The following ACACA variants were observed in gnomAD, a reference collection of about 807,000 sequenced individuals.
ACACA encodes acetyl-CoA carboxylase alpha, also known as acetyl-CoA carboxylase 1.
Under a neutral mutation model 296.1 loss-of-function variants are expected in ACACA, and 103 were observed. That is an observed-to-expected ratio of 0.35 (90% confidence interval 0.30 to 0.41). The LOEUF (loss-of-function observed/expected upper bound fraction) is 0.41. ACACA is among the 10% of genes least tolerant of loss of function. The pLI, the probability that ACACA is intolerant of heterozygous loss-of-function variation, is 1.00. For synonymous variants in ACACA, 953 were observed against 1,038.6 expected, an observed-to-expected ratio of 0.92 and a Z score of 1.58; for missense variants, 1,554 against 2,989.7, an observed-to-expected ratio of 0.52 and a Z score of 11.20.
chr17:37,375,403 C>T (rs959861183), intron 1 of ACACA, among the ~76,000 whole-genome samples: 2 of 152,028 alleles, frequency 1.3e-5, no homozygotes, highest in Non-Finnish European at 2.9e-5. Context: ...AGGAGAATGG[C>T]GTGAACCTGG....
At chr17:37,224,746 A>G (rs2079460381) in intron 27 of ACACA, among the ~76,000 whole-genome samples, 1 of 152,048 alleles carries the variant, frequency 6.6e-6, no homozygotes, top group African/African-American at 2.4e-5. Flanking sequence ...AAAGACTTCA[A>G]TAGGACACTT....
chr17:37,328,259 T>G (rs1568002090), intron 3 of ACACA, among the ~76,000 whole-genome samples: 1 of 152,196 alleles, frequency 6.6e-6, no homozygotes, highest in South Asian at 2.1e-4. Context: ...GGCCTTAGTT[T>G]TCCCAACTAT....
chr17:37,093,660 G>A (rs1038123823), intron 54 of ACACA, among the ~76,000 whole-genome samples: 41 of 152,110 alleles, frequency 2.7e-4, no homozygotes, highest in African/African-American at 9.7e-4. Context: ...ACGACACCGA[G>A]CAAATTTTAA....
chr17:37,352,668 T>C (rs1030640531), intron 1 of ACACA, among the ~76,000 whole-genome samples: 2 of 150,900 alleles, frequency 1.3e-5, no homozygotes, highest in African/African-American at 4.9e-5. Context: ...GCAGTGAGGC[T>C]ACAGTGAGCC....
chr17:37,361,420 G>A lies in ACACA; in HGVS notation c.39-21570C>T, dbSNP rs556588662. On this transcript the variant is annotated intron_variant, in intron 1 of 55. Transcript: ENST00000616317. ...ATTTACCCTCAAAAACTGTCCTTAT[G>A]TGAAATTTCAGCCAGCCCCTGCATG... Among the ~76,000 whole-genome samples the A allele has an allele frequency of 9.9e-5, 15 of 152,118 alleles. No homozygotes were observed. In the South Asian group the frequency reaches 3.1e-3, roughly 32 times the overall value.
chr17:37,275,884 G>C lies in ACACA; in HGVS notation c.901+67C>G. 5.2e-6 allele frequency: 7 copies of C among 1,338,716 alleles called. No homozygotes were observed. In the South Asian group the frequency reaches 7.0e-5, roughly 13 times the overall value. 82.9% of individuals were successfully genotyped at this position (1,338,716 alleles called of 1,614,324 possible). On this transcript the variant is annotated intron_variant, in intron 8 of 55. Transcript: ENST00000616317. The stretch of plus-strand genomic sequence containing the variant: ...AGTATACCAATACTTTTTCAAAAGA[G>C]GTAAGTCCCAAATATCCTACTGAGC...
intron 45 of ACACA, chr17:37,141,250 G>A: frequency 1.7e-6 from 1 of 588,006 alleles, no homozygotes; most frequent in African/African-American, 1.8e-5. Flanking sequence ...CTCCTCCAGG[G>A]ACTTGATCTT....
At chr17:37,360,873 A>G (rs1597707093) in intron 1 of ACACA, among the ~76,000 whole-genome samples, 1 of 152,260 alleles carries the variant, frequency 6.6e-6, no homozygotes, top group East Asian at 1.9e-4. Context: ...GACTCACCGA[A>G]AAAAATGGCC....
intron 41 of ACACA, among the ~76,000 whole-genome samples, chr17:37,167,119 A>C (rs1346056395): frequency 2.1e-4 from 21 of 101,346 alleles, no homozygotes; most frequent in Admixed American, 6.4e-4. Flanking sequence ...TAATTTTTGC[A>C]TTTTTTTTTT....
intron 24 of ACACA, among the ~76,000 whole-genome samples, chr17:37,238,471 C>G (rs2080229150): frequency 6.6e-6 from 1 of 152,078 alleles, no homozygotes; most frequent in Admixed American, 6.5e-5. Flanking sequence ...ACCTATCTCA[C>G]AATTTCTTAA....
intron 28 of ACACA, 178 bp from the exon 29 acceptor site, chr17:37,222,020 T>C (rs1031400937): frequency 7.9e-6 from 5 of 634,060 alleles, no homozygotes; most frequent in African/African-American, 3.6e-5. Context: ...GGAGTCTTAA[T>C]ACTATAACCA....
intron 11 of ACACA, among the ~76,000 whole-genome samples, chr17:37,262,974 T>C (rs1223320081): frequency 6.6e-6 from 1 of 152,048 alleles, no homozygotes; most frequent in Non-Finnish European, 1.5e-5. Context: ...AAGTGATCTG[T>C]CCGCCTTAGC....
intron 3 of ACACA, among the ~76,000 whole-genome samples, chr17:37,312,187 GAA>G (rs1476098845): frequency 6.6e-6 from 1 of 152,138 alleles, no homozygotes. Context: ...AGAGACACAG[GAA>G]AAGAGACTGA....
chr17:37,247,809 A>G (rs1303430130), intron 18 of ACACA: 2 of 625,514 alleles, frequency 3.2e-6, no homozygotes, highest in Non-Finnish European at 2.8e-6. Flanking sequence ...TTGTCCACAT[A>G]CACTGGAGTG....
chr17:37,159,534 C>T, intron 42 of ACACA, among the ~76,000 whole-genome samples: 1 of 152,174 alleles, frequency 6.6e-6, no homozygotes, highest in African/African-American at 2.4e-5. Context: ...AAATGTATAA[C>T]TCAGTAGACT....
intron 39 of ACACA, among the ~76,000 whole-genome samples, chr17:37,183,349 A>G (rs1414909709): frequency 3.9e-5 from 6 of 152,250 alleles, no homozygotes; most frequent in Non-Finnish European, 7.3e-5. Context: ...TATCTTATAA[A>G]GTTAAGCATA....
chr17:37,142,901 G>C (rs2075652305), intron 45 of ACACA, among the ~76,000 whole-genome samples: 1 of 152,182 alleles, frequency 6.6e-6, no homozygotes, highest in Admixed American at 6.5e-5. Context: ...CAAAGAATCA[G>C]AAAGTATAGA....
chr17:37,377,474 A>G (rs866046841), intron 1 of ACACA, among the ~76,000 whole-genome samples: 1 of 152,050 alleles, frequency 6.6e-6, no homozygotes, highest in Non-Finnish European at 1.5e-5. Flanking sequence ...AGCATAGCCA[A>G]AATGGCGAAA....
intron 46 of ACACA, 151 bp downstream of exon 46, chr17:37,129,924 T>C (rs2143421733): frequency 2.5e-6 from 3 of 1,182,236 alleles, no homozygotes; most frequent in East Asian, 2.4e-5. Context: ...AATATGGCTG[T>C]AAGGAAAAGA....
Sources: gnomAD v4.1 joint callset for allele counts (sites outside exome capture counted in the v4.1 genomes callset) on GRCh38, gnomAD v4.1.1 for gene constraint, MANE v1.5 for transcripts, NCBI Gene and HGNC (gene_info 2026-07-23, HGNC 2026-07-21) for gene names.